EML6: variants seen among roughly 807,000 people sequenced by gnomAD.
The protein encoded by EML6 is echinoderm microtubule-associated protein-like 6.
EML6 carries 154 observed loss-of-function variants against 240.1 expected under a neutral mutation model. The ratio of observed to expected loss-of-function variants is 0.64; its 90% CI spans 0.56 to 0.73. The LOEUF is 0.73. Ranked by LOEUF, EML6 falls within the 30% of genes least tolerant of loss-of-function variation. The probability of loss-of-function intolerance (pLI) is 0.00; values close to 1 mark genes in which losing one functional copy is unlikely to be tolerated. For missense variants in EML6, 2,964 were observed against 2,474.6 expected, an observed-to-expected ratio of 1.20 and a Z score of -4.20; for synonymous variants, 1,148 against 899.0, an observed-to-expected ratio of 1.28 and a Z score of -4.95.
intron 25 of EML6, among the ~76,000 whole-genome samples, chr2:54,911,706 G>C (rs1004910395): frequency 1.3e-5 from 2 of 152,078 alleles, no homozygotes. Context: ...CAAAGTGCTG[G>C]GATTACAGAC....
intron 7 of EML6, among the ~76,000 whole-genome samples, chr2:54,832,350 G>C (rs1228233261): frequency 6.6e-6 from 1 of 152,194 alleles, no homozygotes; most frequent in Non-Finnish European, 1.5e-5. Flanking sequence ...AGCAAGGAAG[G>C]AGGATGTTGA....
intron 15 of EML6, 134 bp downstream of exon 15, chr2:54,869,501 T>G: frequency 1.4e-6 from 1 of 713,548 alleles, no homozygotes; most frequent in South Asian, 2.0e-5. Flanking sequence ...GAATGATCAT[T>G]GGATCCTTCC....
chr2:54,789,533 A>G (rs1040400517), intron 2 of EML6, among the ~76,000 whole-genome samples: 1 of 144,054 alleles, frequency 6.9e-6, no homozygotes, highest in Admixed American at 7.3e-5. Context: ...AAAAAAAAAA[A>G]AAAAAAAAAA....
In EML6 at chr2:54,957,876, G is replaced by C. The variant is rs200558181; in HGVS notation, c.4573G>C (p.Val1525Leu). 123 of 1,551,352 alleles carry C rather than the reference G, an allele frequency of 7.9e-5. No individual in the cohort carries two copies. The highest frequency in any genetic ancestry group is 4.5e-4 in the Admixed American group (23 of 50,984). ...CGACTCAGACACGCAGTTTGTATCTGTCGGGGTCAAACATATGAAGTTCTG... is the reference window on the plus strand; with the variant it reads ...CGACTCAGACACGCAGTTTGTATCTCTCGGGGTCAAACATATGAAGTTCTG... ...RPDSDTQFVS[V>L]GVKHMKFWTL... The change falls in exon 33 of 42, where the codon GTC becomes CTC. Residue 1525 changes from valine (V) to leucine (L), a missense_variant. Transcript: ENST00000356458.
At chr2:54,746,315 G>C (rs1307140296) in intron 2 of EML6, among the ~76,000 whole-genome samples, 1 of 152,166 alleles carries the variant, frequency 6.6e-6, no homozygotes, top group South Asian at 2.1e-4. Flanking sequence ...GTTGACCATC[G>C]ACTGTGTCTC....
At chr2:54,840,507 C>T (rs569916355) in intron 7 of EML6, among the ~76,000 whole-genome samples, 11 of 152,216 alleles carry the variant, frequency 7.2e-5, no homozygotes, top group East Asian at 1.9e-4. Flanking sequence ...ATCTTCATTA[C>T]GGTAGGGGCC....
intron 10 of EML6, among the ~76,000 whole-genome samples, chr2:54,851,671 A>G (rs1670097802): frequency 6.6e-6 from 1 of 152,342 alleles, no homozygotes; most frequent in African/African-American, 2.4e-5. Flanking sequence ...TTAGTTCATT[A>G]TCCAAGTCTT....
rs75255018 is a variant in EML6 at position 54,861,734 on chromosome 2, C to T, written c.1825+2033C>T. On this transcript the variant is annotated intron_variant, in intron 12 of 41. Transcript: ENST00000356458. Reference sequence around the variant, plus strand: ...AGATTGGTGAGATCCTTCTCCTATACAAGGCCAGTCTGACGAGATAGGGAG... The same window carrying T: ...AGATTGGTGAGATCCTTCTCCTATATAAGGCCAGTCTGACGAGATAGGGAG... 4.8e-3 allele frequency among the ~76,000 whole-genome samples: 723 copies of T among 151,254 alleles called. 2 individuals carry two copies. The highest frequency in any genetic ancestry group is 0.017 in the Middle Eastern group (5 of 292).
At chr2:54,868,439 G>A (rs1256747986) in intron 14 of EML6, 1 of 152,122 alleles carries the variant, frequency 6.6e-6, no homozygotes, top group African/African-American at 2.4e-5. Flanking sequence ...GTTTAATATT[G>A]AGTCTATTCT....
chr2:54,875,994 A>T (rs570577350), intron 16 of EML6, among the ~76,000 whole-genome samples: 1 of 152,222 alleles, frequency 6.6e-6, no homozygotes, highest in South Asian at 2.1e-4. Flanking sequence ...TCCTGAATAG[A>T]GAGACCAACT....
chr2:54,920,763 A>C (rs1285584835), intron 26 of EML6, among the ~76,000 whole-genome samples: 1 of 152,196 alleles, frequency 6.6e-6, no homozygotes. Flanking sequence ...ATCTGAAACA[A>C]AATACTACAA....
rs1671252952 is a variant in EML6, at chr2:54,871,482, G to C, written c.2239-18G>C. 6.5e-7 allele frequency: 1 copy of C among 1,529,606 alleles called. No individual in the cohort carries two copies. Among genetic ancestry groups the C allele is most frequent in the South Asian group, 1.2e-5 (1 of 83,618 alleles). 94.8% of individuals were successfully genotyped at this position (1,529,606 alleles called of 1,614,324 possible). A position where few individuals can be genotyped will look rare whatever the true frequency, so the allele number is the denominator to read the frequency against. The stretch of plus-strand genomic sequence containing the variant: ...TATAACGTGTTAGTAGTTAATAACA[G>C]TCATTCTGTTATTTAAGGTTGGAAG... On this transcript the variant is annotated intron_variant, in intron 15 of 41. Coordinates refer to ENST00000356458, the MANE Select transcript of EML6 (RefSeq NM_001039753.4).
At chr2:54,895,065 A>T in intron 20 of EML6, 39 bp downstream of exon 20, 1 of 1,449,584 alleles carries the variant, frequency 6.9e-7, no homozygotes, top group Non-Finnish European at 9.5e-7. Flanking sequence ...CTTTGTATTC[A>T]TAGGGATGGA....
chr2:54,800,332 CA>C (rs1207631265), intron 2 of EML6, among the ~76,000 whole-genome samples: 1 of 152,130 alleles, frequency 6.6e-6, no homozygotes, highest in African/African-American at 2.4e-5. Context: ...AGGTATCCCC[CA>C]CTGTTCCATC....
chr2:54,964,505 C>T, intron 37 of EML6, 66 bp from the exon 38 acceptor site: 1 of 1,467,750 alleles, frequency 6.8e-7, no homozygotes, highest in East Asian at 2.5e-5. Context: ...CACAGACCAG[C>T]CTTCGTGCCT....
chr2:54,861,850 C>T (rs373283463), intron 12 of EML6, among the ~76,000 whole-genome samples: 3 of 150,134 alleles, frequency 2.0e-5, no homozygotes, highest in South Asian at 2.1e-4. Flanking sequence ...TCCAGATAAA[C>T]GAGCAAGACA....
chr2:54,922,190 A>G (rs539259037), intron 26 of EML6, among the ~76,000 whole-genome samples: 2 of 152,368 alleles, frequency 1.3e-5, no homozygotes, highest in South Asian at 2.1e-4. Context: ...TATACAAAAT[A>G]TATAATGAAT....
intron 4 of EML6, among the ~76,000 whole-genome samples, 197 bp from the exon 5 acceptor site, chr2:54,820,197 C>CT (rs1461250346): frequency 6.6e-6 from 1 of 152,136 alleles, no homozygotes; most frequent in Non-Finnish European, 1.5e-5. Flanking sequence ...CTACTCAGGC[C>CT]TTAAGGTAAG....
intron 32 of EML6, among the ~76,000 whole-genome samples, chr2:54,955,033 C>T: frequency 6.6e-6 from 1 of 152,178 alleles, no homozygotes; most frequent in East Asian, 1.9e-4. Context: ...CCAGTCACTC[C>T]TGAGCACCCC....
Sources: allele counts gnomAD v4.1 joint callset (sites outside exome capture counted in the v4.1 genomes callset), GRCh38; gene constraint gnomAD v4.1.1; transcripts MANE v1.5; gene names NCBI Gene and HGNC (gene_info 2026-07-23, HGNC 2026-07-21).